GAS2: variants seen among roughly 807,000 people sequenced by gnomAD.
GAS2 encodes the protein growth arrest specific 2.
Under a neutral mutation model 37.5 loss-of-function variants are expected in GAS2, and 20 were observed. The observed-to-expected ratio is 0.53, with a 90% CI of 0.37 to 0.77. The LOEUF (loss-of-function observed/expected upper bound fraction) is 0.77. Ranked by LOEUF, GAS2 falls within the 30% of genes least tolerant of loss-of-function variation. The pLI is 0.00. For synonymous variants in GAS2, 144 were observed against 132.2 expected (o/e 1.09, Z -0.61); for missense variants, 336 against 373.4 (o/e 0.90, Z 0.82).
chr11:22,740,494 G>A (rs1853016174), intron 5 of GAS2, among the ~76,000 whole-genome samples: 1 of 152,112 alleles, frequency 6.6e-6, no homozygotes, highest in Admixed American at 6.5e-5. Flanking sequence ...AATTATTCAT[G>A]GTGCTACTAT....
chr11:22,747,913 C>G (rs1307772675), intron 5 of GAS2, among the ~76,000 whole-genome samples: 1 of 151,918 alleles, frequency 6.6e-6, no homozygotes, highest in Non-Finnish European at 1.5e-5. Context: ...AATCGCTTTC[C>G]CCTCGGAGTA....
intron 3 of GAS2, among the ~76,000 whole-genome samples, chr11:22,689,846 G>A (rs2133964415): frequency 6.6e-6 from 1 of 152,302 alleles, no homozygotes; most frequent in African/African-American, 2.4e-5. Flanking sequence ...GTTCATGTAT[G>A]TGTTTGTAGA....
intron 5 of GAS2, among the ~76,000 whole-genome samples, chr11:22,740,150 T>C (rs1164282765): frequency 1.3e-5 from 2 of 152,160 alleles, no homozygotes; most frequent in African/African-American, 4.8e-5. Context: ...GTAAAACAAA[T>C]TAAAATCTTG....
chr11:22,628,735 GAGT>G (rs1189523472), intron 1 of GAS2, among the ~76,000 whole-genome samples: 1 of 151,964 alleles, frequency 6.6e-6, no homozygotes, highest in African/African-American at 2.4e-5. Flanking sequence ...CCCTCTAACT[GAGT>G]AGTGTACGTT....
chr11:22,738,962 A>G (rs1852902422), intron 5 of GAS2, among the ~76,000 whole-genome samples: 1 of 152,144 alleles, frequency 6.6e-6, no homozygotes, highest in South Asian at 2.1e-4. Flanking sequence ...GAGACATGTG[A>G]AGGTTTTTCT....
chr11:22,738,314 G>A (rs111462879), intron 5 of GAS2, among the ~76,000 whole-genome samples: 1 of 151,812 alleles, frequency 6.6e-6, no homozygotes, highest in Non-Finnish European at 1.5e-5. Context: ...TTTGAAACCT[G>A]TTTTTTTTCT....
chr11:22,785,649 T>C (rs1414754699), intron 7 of GAS2, among the ~76,000 whole-genome samples: 1 of 152,002 alleles, frequency 6.6e-6, no homozygotes, highest in Non-Finnish European at 1.5e-5. Context: ...TGTTTCTACC[T>C]TTTTTTTAAA....
At chr11:22,692,474 T>C (rs1160516960) in intron 3 of GAS2, among the ~76,000 whole-genome samples, 1 of 152,056 alleles carries the variant, frequency 6.6e-6, no homozygotes, top group East Asian at 1.9e-4. Context: ...AAGAAGTACA[T>C]TGGTTTGGTC....
intron 7 of GAS2, among the ~76,000 whole-genome samples, chr11:22,784,962 G>T (rs1438826360): frequency 6.6e-6 from 1 of 152,076 alleles, no homozygotes; most frequent in Non-Finnish European, 1.5e-5. Flanking sequence ...CCTGACACAG[G>T]CAATCCTGTG....
At chr11:22,682,720 A>G (rs1849740163) in intron 2 of GAS2, among the ~76,000 whole-genome samples, 1 of 151,894 alleles carries the variant, frequency 6.6e-6, no homozygotes, top group African/African-American at 2.4e-5. Flanking sequence ...TCTACTAAAA[A>G]TACCAAAATT....
At chr11:22,679,526 T>G (rs900128473) in intron 2 of GAS2, among the ~76,000 whole-genome samples, 2 of 152,106 alleles carry the variant, frequency 1.3e-5, no homozygotes, top group Non-Finnish European at 2.9e-5. Flanking sequence ...TTCAAATACA[T>G]TAGGCATATT....
At chr11:22,642,971 T>C (rs1323460289) in intron 1 of GAS2, among the ~76,000 whole-genome samples, 1 of 152,172 alleles carries the variant, frequency 6.6e-6, no homozygotes, top group Non-Finnish European at 1.5e-5. Context: ...CGACTTCTTA[T>C]TGCTCAGTGC....
chr11:22,748,719 C>T (rs1853551960), intron 5 of GAS2, among the ~76,000 whole-genome samples: 1 of 151,868 alleles, frequency 6.6e-6, no homozygotes, highest in African/African-American at 2.4e-5. Context: ...TGAGTCTGAC[C>T]CTCTGGTTGT....
rs111550421 is a variant in GAS2 at position 22,741,123 on chromosome 11, G to C, written c.473+3355G>C. 8.0e-3 allele frequency among the ~76,000 whole-genome samples: 1,221 copies of C among 152,276 alleles called. 8 individuals carry two copies. Among genetic ancestry groups the C allele is most frequent in the African/African-American group, 0.028 (1,165 of 41,550 alleles). ...GTTTTCCTCTCGGGACACTTAGGAA[G>C]CTCCTTTGCGAGCTGTGGGCTTCTC... On this transcript the variant is annotated intron_variant, in intron 5 of 7. Coordinates refer to ENST00000454584, the MANE Select transcript of GAS2 (RefSeq NM_001143830.3).
At chr11:22,708,283 T>G (rs1851224138) in intron 3 of GAS2, among the ~76,000 whole-genome samples, 2 of 152,158 alleles carry the variant, frequency 1.3e-5, no homozygotes, top group African/African-American at 4.8e-5. Flanking sequence ...GAGATTGTGT[T>G]TATGTTTTTT....
intron 1 of GAS2, among the ~76,000 whole-genome samples, chr11:22,659,914 AAGGGAGGGAG>A (rs1848898015): frequency 2.9e-5 from 1 of 34,392 alleles, no homozygotes; most frequent in East Asian, 1.1e-3. Context: ...GGGAGGGAGG[AAGGGAGGGAG>A]GGAGGGAAGA....
chr11:22,704,313 TAC>T (rs1162243652), intron 3 of GAS2, among the ~76,000 whole-genome samples: 1 of 151,886 alleles, frequency 6.6e-6, no homozygotes, highest in Non-Finnish European at 1.5e-5. Flanking sequence ...TTTATTAAAA[TAC>T]AGTTATTTCA....
intron 2 of GAS2, among the ~76,000 whole-genome samples, chr11:22,682,428 G>T (rs190600187): frequency 2.6e-4 from 39 of 152,096 alleles, no homozygotes; most frequent in African/African-American, 8.7e-4. Flanking sequence ...TATTACAAAC[G>T]TAGAAAATCT....
intron 1 of GAS2, among the ~76,000 whole-genome samples, chr11:22,661,445 GGTAA>G (rs1285373602): frequency 6.6e-6 from 1 of 152,070 alleles, no homozygotes; most frequent in African/African-American, 2.4e-5. Flanking sequence ...CTCACAATTT[GGTAA>G]GTGAGATAGA....
Sources: allele counts gnomAD v4.1 joint callset (sites outside exome capture counted in the v4.1 genomes callset), GRCh38; gene constraint gnomAD v4.1.1; transcripts MANE v1.5; gene names NCBI Gene and HGNC (gene_info 2026-07-23, HGNC 2026-07-21).